CACNA2D4: variants seen among roughly 807,000 people sequenced by gnomAD.
CACNA2D4 encodes the protein calcium voltage-gated channel auxiliary subunit alpha2delta 4.
Under a neutral mutation model 163.8 loss-of-function variants are expected in CACNA2D4, and 157 were observed. That is an observed-to-expected ratio of 0.96 (90% CI 0.84 to 1.09). The LOEUF is 1.09. CACNA2D4 is among the 50% of genes least tolerant of loss of function. The probability of loss-of-function intolerance (pLI) is 0.00; values close to 1 mark genes in which losing one functional copy is unlikely to be tolerated. For synonymous variants in CACNA2D4, 598 were observed against 586.9 expected (o/e 1.02, Z -0.27); for missense variants, 1,410 against 1,479.9 (o/e 0.95, Z 0.78).
rs777663696 is a variant in CACNA2D4 at position 1,834,369 on chromosome 12, A to T, written c.2551+6370T>A. ...ATGTTCAACTACTGCTCCCAGCTGG[A>T]GGACGAGAATAGCTCAGCTGGGCTG... On this transcript the variant is annotated intron_variant, in intron 26 of 37. Coordinates refer to ENST00000382722, the MANE Select transcript of CACNA2D4 (RefSeq NM_172364.5). The surrounding 1 kb of genome is among the most constrained non-coding windows in gnomAD (Gnocchi z 7.6). 1 of 1,613,136 alleles carries T rather than the reference A, an allele frequency of 6.2e-7. No individual in the cohort carries two copies. Among genetic ancestry groups the T allele is most frequent in the South Asian group, 1.1e-5 (1 of 91,064 alleles).
In CACNA2D4 at chr12:1,918,247, G is replaced by A. The variant is rs779526655; in HGVS notation, c.227C>T (p.Thr76Ile). 30 of 1,600,272 alleles carry A rather than the reference G, an allele frequency of 1.9e-5. No individual in the cohort carries two copies. The highest frequency in any genetic ancestry group is 1.7e-4 in the Middle Eastern group (1 of 6,048). Residue 76 changes from threonine to isoleucine, a missense_variant and splice_region_variant, in exon 1 of 38, where the codon ACA becomes ATA. Physicochemically the swap from Thr to Ile is moderately conservative, Grantham distance 89. Coordinates refer to ENST00000382722, the MANE Select transcript of CACNA2D4 (RefSeq NM_172364.5). ...AWGQAKIPLE[T>I]VKLWADTFGG... is the part of the protein sequence containing the mutation. ...GGGTGGGGTTGAACGTGATGCTTAC[G>A]TTTCCAGAGGAATCTTGGCCTGTCC...
intron 26 of CACNA2D4, among the ~76,000 whole-genome samples, chr12:1,815,943 G>T (rs763145773): frequency 6.6e-6 from 1 of 152,184 alleles, no homozygotes; most frequent in Non-Finnish European, 1.5e-5. Context: ...GAGTAAAGGC[G>T]GTGAGGCACG....
chr12:1,899,567 A>G (rs186898078), intron 6 of CACNA2D4, among the ~76,000 whole-genome samples: 7 of 152,298 alleles, frequency 4.6e-5, no homozygotes, highest in African/African-American at 1.7e-4. Context: ...TCTAAATAAA[A>G]GTACTTCAAA....
At position 1,798,776 on chromosome 12, in the gene CACNA2D4, A is replaced by G. The variant is rs1247499076; in HGVS notation, c.2995+899T>C. 6.6e-6 allele frequency among the ~76,000 whole-genome samples: 1 copy of G among 152,120 alleles called. No homozygotes were observed. The highest frequency in any genetic ancestry group is 1.5e-5 in the Non-Finnish European group (1 of 68,008). ...AGGGGGATCATCTTCAACTTTTGCA[A>G]GATGCAGCTGCTGACAGAGACAGAG... is the stretch of plus-strand genomic sequence containing the variant. On this transcript the variant is annotated intron_variant, in intron 34 of 37. Coordinates refer to ENST00000382722, the MANE Select transcript of CACNA2D4 (RefSeq NM_172364.5). The surrounding 1 kb of genome is among the most constrained non-coding windows in gnomAD (Gnocchi z 4.3).
At chr12:1,852,634 C>T (rs1274451853) in intron 23 of CACNA2D4, among the ~76,000 whole-genome samples, 1 of 152,070 alleles carries the variant, frequency 6.6e-6, no homozygotes, top group Non-Finnish European at 1.5e-5. Context: ...GAAGTCTTTT[C>T]TGAAGCATGC....
intron 26 of CACNA2D4, chr12:1,836,810 C>A (rs898170038): frequency 6.5e-6 from 1 of 152,680 alleles, no homozygotes; most frequent in African/African-American, 2.4e-5. Context: ...TTGCTTCCTG[C>A]CCCCCACCTC....
chr12:1,844,279 C>G lies in CACNA2D4; in HGVS notation c.2470+123G>C. 8.3e-7 allele frequency: 1 copy of G among 1,207,058 alleles called. No individual in the cohort carries two copies. The allele number at this position is 1,207,058 out of a possible 1,614,324, so 74.8% of individuals were successfully genotyped here. Reference sequence around the variant, plus strand: ...TGCAGGAGGGAAGGCAGGAGGGGAACCCTGGTGGTCTGGACATTCTATTCC... The same window carrying G: ...TGCAGGAGGGAAGGCAGGAGGGGAAGCCTGGTGGTCTGGACATTCTATTCC... On this transcript the variant is annotated intron_variant, in intron 25 of 37. Transcript: ENST00000382722. This position sits in a 1 kb window ranked among gnomAD's most constrained non-coding sequence, Gnocchi z 4.2.
chr12:1,859,920 A>C (rs1484683683), intron 19 of CACNA2D4, among the ~76,000 whole-genome samples: 1 of 152,182 alleles, frequency 6.6e-6, no homozygotes, highest in African/African-American at 2.4e-5. Flanking sequence ...CATACACTTG[A>C]CCAAGTTTAC....
chr12:1,866,331 A>G (rs1170826835), intron 18 of CACNA2D4, among the ~76,000 whole-genome samples: 3 of 152,210 alleles, frequency 2.0e-5, no homozygotes, highest in Non-Finnish European at 4.4e-5. Flanking sequence ...TAACTCTGCT[A>G]TGTGCTATTG....
chr12:1,905,184 A>C (rs1347894654), intron 6 of CACNA2D4, among the ~76,000 whole-genome samples: 1 of 152,114 alleles, frequency 6.6e-6, no homozygotes, highest in Non-Finnish European at 1.5e-5. Context: ...TGACAAAAAC[A>C]TTAAAAAAAC....
At chr12:1,880,720 C>T (rs1009672873) in intron 13 of CACNA2D4, among the ~76,000 whole-genome samples, 1 of 152,264 alleles carries the variant, frequency 6.6e-6, no homozygotes, top group East Asian at 1.9e-4. Context: ...GTCTCTTTCT[C>T]TCATCTCATC....
intron 30 of CACNA2D4, among the ~76,000 whole-genome samples, chr12:1,801,359 G>C (rs899667290): frequency 1.3e-5 from 2 of 152,244 alleles, no homozygotes; most frequent in African/African-American, 2.4e-5. Context: ...TCTAGGGTCT[G>C]AGCTGCGGAG....
In CACNA2D4 at chr12:1,817,234, G is replaced by A. The variant is rs114520484; in HGVS notation, c.2552-5511C>T. Among the ~76,000 whole-genome samples, 324 of 152,290 alleles carry A rather than the reference G, an allele frequency of 2.1e-3. 2 individuals are homozygous for A. Among genetic ancestry groups the A allele is most frequent in the African/African-American group, 7.5e-3 (312 of 41,546 alleles). On this transcript the variant is annotated intron_variant, in intron 26 of 37. Coordinates refer to ENST00000382722, the MANE Select transcript of CACNA2D4 (RefSeq NM_172364.5). ...CTCAACCCATCTCCTCATTCTGCAGGGCAGGAATCCCAGCCAGCACAAGGC... is the reference window on the plus strand; with the variant it reads ...CTCAACCCATCTCCTCATTCTGCAGAGCAGGAATCCCAGCCAGCACAAGGC...
chr12:1,874,389 C>T lies in CACNA2D4; in HGVS notation c.1878+215G>A, dbSNP rs1177944766. 1.3e-5 allele frequency among the ~76,000 whole-genome samples: 2 copies of T among 152,172 alleles called. No homozygotes were observed. The highest frequency in any genetic ancestry group is 4.8e-5 in the African/African-American group (2 of 41,442). On this transcript the variant is annotated intron_variant, in intron 18 of 37. Coordinates refer to ENST00000382722, the MANE Select transcript of CACNA2D4 (RefSeq NM_172364.5). The surrounding 1 kb of genome is among the most constrained non-coding windows in gnomAD (Gnocchi z 4.4). ...CCCCAGCTCAGCGGTCTCCCAAAAG[C>T]CAAGCATTGCATGAGCAATCCTGTC...
chr12:1,881,743 C>A (rs539859745), intron 13 of CACNA2D4, among the ~76,000 whole-genome samples: 2 of 152,278 alleles, frequency 1.3e-5, no homozygotes, highest in Non-Finnish European at 2.9e-5. Context: ...GCCAGCTCGT[C>A]TCTTCTCAGC....
intron 3 of CACNA2D4, 69 bp from the exon 4 acceptor site, chr12:1,910,034 A>T (rs1249651747): frequency 1.5e-6 from 2 of 1,340,278 alleles, no homozygotes; most frequent in African/African-American, 1.4e-5. Flanking sequence ...AGCAAGTGAA[A>T]CAGTTGCCGG....
At position 1,828,227 on chromosome 12, in the gene CACNA2D4, C is replaced by T. The variant is rs1347977619; in HGVS notation, c.2551+12512G>A. On this transcript the variant is annotated intron_variant, in intron 26 of 37. Coordinates refer to ENST00000382722, the MANE Select transcript of CACNA2D4 (RefSeq NM_172364.5). The surrounding 1 kb of genome is among the most constrained non-coding windows in gnomAD (Gnocchi z 4.2). The stretch of plus-strand genomic sequence containing the variant: ...GAGGCAAGTCTCCTGTGAGTACACC[C>T]CTGGCCTCGGAGGGGGGTGCGGGTT... 1.3e-6 allele frequency: 2 copies of T among 1,537,596 alleles called. No individual in the cohort carries two copies. The highest frequency in any genetic ancestry group is 4.0e-5 in the Admixed American group (2 of 49,886).
chr12:1,882,115 AC>A (rs1866017241), intron 13 of CACNA2D4, among the ~76,000 whole-genome samples: 1 of 152,178 alleles, frequency 6.6e-6, no homozygotes, highest in South Asian at 2.1e-4. Flanking sequence ...CTCATGTTCC[AC>A]CAGCCTCCTG....
At chr12:1,804,989 C>T (rs1312657026) in intron 29 of CACNA2D4, among the ~76,000 whole-genome samples, 1 of 152,234 alleles carries the variant, frequency 6.6e-6, no homozygotes, top group Admixed American at 6.5e-5. Flanking sequence ...ACCTGCAAAG[C>T]GAAGGTCCAA....
Sources: gnomAD v4.1 joint callset for allele counts (sites outside exome capture counted in the v4.1 genomes callset) on GRCh38, gnomAD v4.1.1 for gene constraint, Gnocchi (gnomAD v3.1) non-coding constraint, MANE v1.5 for transcripts, NCBI Gene and HGNC (gene_info 2026-07-23, HGNC 2026-07-21) for gene names.